The following ABCD2 variants were observed in gnomAD, a reference collection of about 807,000 sequenced individuals.
ABCD2 encodes the protein ATP-binding cassette sub-family D member 2.
ABCD2 carries 36 observed loss-of-function variants against 70.9 expected under a neutral mutation model. The observed-to-expected ratio is 0.51, with a 90% CI of 0.39 to 0.67. ABCD2 has a LOEUF of 0.67. Among genes scored for constraint, ABCD2 ranks in the 30% least tolerant of loss-of-function variants. The probability of loss-of-function intolerance (pLI) is 0.00; values close to 1 mark genes in which losing one functional copy is unlikely to be tolerated. For synonymous variants in ABCD2, 304 were observed against 306.9 expected (o/e 0.99, Z 0.10); for missense variants, 729 against 890.2 (o/e 0.82, Z 2.30).
Position 39,566,740 on chromosome 12 carries a change from T to C in ABCD2, c.2003+6976A>G, listed in dbSNP as rs1262908079. 3.3e-5 allele frequency among the ~76,000 whole-genome samples: 5 copies of C among 152,358 alleles called. 1 individual carries two copies. The highest frequency in any genetic ancestry group is 1.2e-4 in the African/African-American group (5 of 41,586). On this transcript the variant is annotated intron_variant, in intron 9 of 9. Transcript: ENST00000308666. ...GTGATGTTAGGGTGTCAATTTTAGATCTTTCCTGCTTTCTGTTGTGGGCAT... is the reference window on the plus strand; with the variant it reads ...GTGATGTTAGGGTGTCAATTTTAGACCTTTCCTGCTTTCTGTTGTGGGCAT...
intron 9 of ABCD2, among the ~76,000 whole-genome samples, chr12:39,565,073 G>A (rs1172491421): frequency 6.6e-6 from 1 of 152,162 alleles, no homozygotes; most frequent in African/African-American, 2.4e-5. Flanking sequence ...GATGCCTCCA[G>A]CTTTGTTCTT....
intron 6 of ABCD2, among the ~76,000 whole-genome samples, chr12:39,599,201 C>T (rs1941862119): frequency 6.6e-6 from 1 of 152,122 alleles, no homozygotes; most frequent in South Asian, 2.1e-4. Flanking sequence ...TTCTTATTCT[C>T]TGGAAATGTT....
chr12:39,600,517 A>G (rs1941881981), intron 6 of ABCD2, 54 bp downstream of exon 6: 1 of 1,449,798 alleles, frequency 6.9e-7, no homozygotes, highest in South Asian at 1.4e-5. Context: ...AGGAATCAAG[A>G]CAATTCAAGA....
At position 39,550,724 on chromosome 12, in the gene ABCD2, G is replaced by A. The variant is rs1941076511; in HGVS notation, c.*3188C>T. 1.3e-5 allele frequency: 2 copies of A among 151,690 alleles called. No homozygotes were observed. The allele number at this position is 151,690 out of a possible 1,614,324, so 9.4% of individuals were successfully genotyped here. On this transcript the variant is annotated 3_prime_UTR_variant, in exon 10 of 10. Coordinates refer to ENST00000308666, the MANE Select transcript of ABCD2 (RefSeq NM_005164.4). ...GTGAAAGTACTTTTCACTTCTAAAT[G>A]AGGACAATTTTGCCCATAAAGTAAT...
intron 9 of ABCD2, among the ~76,000 whole-genome samples, chr12:39,556,912 G>GCT (rs1941175521): frequency 6.6e-6 from 1 of 151,752 alleles, no homozygotes; most frequent in Admixed American, 6.6e-5. Context: ...GAACCCAGGA[G>GCT]GCAGATGTTG....
At chr12:39,558,635 CT>C (rs773627905) in intron 9 of ABCD2, among the ~76,000 whole-genome samples, 11 of 152,124 alleles carry the variant, frequency 7.2e-5, no homozygotes, top group South Asian at 4.1e-4. Flanking sequence ...GTTCATTCTC[CT>C]TCCTGCCACC....
chr12:39,569,269 C>T (rs1021802042), intron 9 of ABCD2, among the ~76,000 whole-genome samples: 7 of 152,226 alleles, frequency 4.6e-5, no homozygotes, highest in Admixed American at 2.6e-4. Context: ...CTGTGGTGGG[C>T]TCCACCCAGT....
At chr12:39,615,711 C>A (rs1033979145) in intron 2 of ABCD2, among the ~76,000 whole-genome samples, 30 of 151,994 alleles carry the variant, frequency 2.0e-4, no homozygotes, top group African/African-American at 6.3e-4. Context: ...TCAACTTTGA[C>A]AAGTGTTTTT....
chr12:39,560,345 C>A (rs938214777), intron 9 of ABCD2, among the ~76,000 whole-genome samples: 2 of 152,058 alleles, frequency 1.3e-5, no homozygotes, highest in South Asian at 2.1e-4. Flanking sequence ...TGAACTCATC[C>A]TTTTTTATGG....
chr12:39,597,225 G>A lies in ABCD2; in HGVS notation c.1646+3346C>T, dbSNP rs1380538392. On this transcript the variant is annotated intron_variant, in intron 6 of 9. Transcript: ENST00000308666. ...ATTATCATCTGTCTTTCTTCCTTCT[G>A]TCCCTTCCTCTGTTGCTTCTCTCCC... 2.0e-5 allele frequency among the ~76,000 whole-genome samples: 3 copies of A among 151,962 alleles called. No homozygotes were observed. In the South Asian group the frequency reaches 6.2e-4, roughly 32 times the overall value.
intron 9 of ABCD2, among the ~76,000 whole-genome samples, chr12:39,572,327 G>A (rs1273112012): frequency 6.6e-6 from 1 of 152,178 alleles, no homozygotes; most frequent in Non-Finnish European, 1.5e-5. Context: ...GGGCTCAAGA[G>A]TACTGGCCTA....
chr12:39,592,459 A>G (rs1566568285), intron 6 of ABCD2, among the ~76,000 whole-genome samples: 2 of 152,194 alleles, frequency 1.3e-5, no homozygotes, highest in Non-Finnish European at 1.5e-5. Context: ...CAATTACAAT[A>G]TATTTACTAG....
chr12:39,570,614 G>C (rs1286980085), intron 9 of ABCD2, among the ~76,000 whole-genome samples: 1 of 152,096 alleles, frequency 6.6e-6, no homozygotes, highest in Non-Finnish European at 1.5e-5. Flanking sequence ...TGCAAGACCT[G>C]AAATTATTAG....
At chr12:39,574,079 T>C (rs1383066593) in intron 8 of ABCD2, among the ~76,000 whole-genome samples, 1 of 152,132 alleles carries the variant, frequency 6.6e-6, no homozygotes, top group Non-Finnish European at 1.5e-5. Flanking sequence ...ATAAGCTTTA[T>C]TGTCTTGTAG....
intron 2 of ABCD2, among the ~76,000 whole-genome samples, chr12:39,615,796 CA>C (rs1279673296): frequency 6.6e-6 from 1 of 151,976 alleles, no homozygotes; most frequent in East Asian, 1.9e-4. Context: ...TTTATTAGAT[CA>C]CTTCAAACAA....
chr12:39,563,345 T>C (rs186244919), intron 9 of ABCD2, among the ~76,000 whole-genome samples: 94 of 152,190 alleles, frequency 6.2e-4, no homozygotes, highest in Non-Finnish European at 1.1e-3. Context: ...TGAGATATGA[T>C]CACACCTCTG....
At chr12:39,542,455 C>G in the ABCD2 span, among the ~76,000 whole-genome samples, 1 of 148,178 alleles carries the variant, frequency 6.7e-6, no homozygotes, top group Non-Finnish European at 1.5e-5. Flanking sequence ...GAGCGAGACT[C>G]CATCTCAAAA....
the ABCD2 span, among the ~76,000 whole-genome samples, chr12:39,534,082 T>C: frequency 6.6e-6 from 1 of 152,150 alleles, no homozygotes; most frequent in African/African-American, 2.4e-5. Context: ...ATGCATTATG[T>C]TAGCAGCTAT....
At chr12:39,576,450 C>T (rs1173978937) in intron 8 of ABCD2, among the ~76,000 whole-genome samples, 2 of 152,066 alleles carry the variant, frequency 1.3e-5, no homozygotes, top group East Asian at 3.9e-4. Flanking sequence ...TGATCCACCG[C>T]GCCCGGGATC....
Sources: gnomAD v4.1 joint callset for allele counts (sites outside exome capture counted in the v4.1 genomes callset) on GRCh38, gnomAD v4.1.1 for gene constraint, MANE v1.5 for transcripts, NCBI Gene and HGNC (gene_info 2026-07-23, HGNC 2026-07-21) for gene names.